Variants in CEP192 observed in about 807,000 individuals in gnomAD.
CEP192 encodes centrosomal protein 192, also known as centrosomal protein of 192 kDa.
Under a neutral mutation model 271.8 loss-of-function variants are expected in CEP192, and 151 were observed. The ratio of observed to expected loss-of-function variants is 0.56; its 90% CI spans 0.49 to 0.64. The LOEUF is 0.64. Ranked by LOEUF, CEP192 falls within the 30% of genes least tolerant of loss-of-function variation. The probability of loss-of-function intolerance (pLI) is 0.00; values close to 1 mark genes in which losing one functional copy is unlikely to be tolerated. For synonymous variants in CEP192, 995 were observed against 1,076.5 expected (o/e 0.92, Z 1.48); for missense variants, 2,910 against 3,020.5 (o/e 0.96, Z 0.86).
In CEP192 at chr18:13,095,655, A is replaced by G. The variant is rs79702541; in HGVS notation, c.6407A>G (p.His2136Arg). The change falls in exon 35 of 45, where the codon CAC becomes CGC. Residue 2136 changes from histidine (H) to arginine (R), a missense_variant. His to Arg is a conservative substitution (Grantham distance 29). Transcript: ENST00000506447. ...GAGCCGTGGACTGTCCTACCCGAGC[A>G]CTTGATTCTGGTAGCTCCTTCTCCT... Reference protein sequence around the residue: ...SEEPWTVLPEHLILVAPSPCD... With the variant: ...SEEPWTVLPERLILVAPSPCD... 1,660 of 1,612,770 alleles carry G rather than the reference A, an allele frequency of 1.0e-3. 19 individuals carry two copies. In the African/African-American group the frequency reaches 0.02, roughly 19 times the overall value.
chr18:12,995,398 A>C (rs2033165571), intron 1 of CEP192, among the ~76,000 whole-genome samples: 2 of 152,172 alleles, frequency 1.3e-5, no homozygotes, highest in African/African-American at 2.4e-5. Context: ...TATGGAAATC[A>C]AGAAGAGAGA....
chr18:13,099,307 A>T (rs1025969710), intron 36 of CEP192, among the ~76,000 whole-genome samples, 169 bp from the exon 37 acceptor site: 1 of 151,940 alleles, frequency 6.6e-6, no homozygotes, highest in Admixed American at 6.6e-5. Context: ...TGGAGGCGGG[A>T]TGAACTTGTG....
At chr18:13,074,286 C>T (rs913621035) in intron 30 of CEP192, among the ~76,000 whole-genome samples, 2 of 152,150 alleles carry the variant, frequency 1.3e-5, no homozygotes, top group African/African-American at 4.8e-5. Flanking sequence ...TGATTGGCCC[C>T]ATGAGATGGG....
chr18:13,002,222 T>G (rs1420763906), intron 3 of CEP192, among the ~76,000 whole-genome samples: 1 of 152,200 alleles, frequency 6.6e-6, no homozygotes, highest in Non-Finnish European at 1.5e-5. Context: ...TGTGCATTTA[T>G]GCCTTTAAAT....
At chr18:13,086,996 G>T in intron 30 of CEP192, 21 bp from the exon 31 acceptor site, 1 of 1,533,286 alleles carries the variant, frequency 6.5e-7, no homozygotes, top group South Asian at 1.2e-5. Context: ...AAATAATTTT[G>T]GATATGTATA....
chr18:13,095,811 C>A, intron 35 of CEP192, 130 bp downstream of exon 35: 1 of 810,896 alleles, frequency 1.2e-6, no homozygotes, highest in Non-Finnish European at 1.9e-6. Context: ...CCAGGCCCTG[C>A]TTCCACTGTT....
chr18:13,038,237 A>G (rs1198021924), intron 12 of CEP192, 133 bp from the exon 13 acceptor site: 2 of 570,080 alleles, frequency 3.5e-6, no homozygotes, highest in South Asian at 2.5e-5. Flanking sequence ...AGTTTGTCCA[A>G]TTTTTTTTTT....
At chr18:13,028,905 T>C (rs2035460472) in intron 9 of CEP192, among the ~76,000 whole-genome samples, 1 of 152,236 alleles carries the variant, frequency 6.6e-6, no homozygotes, top group Non-Finnish European at 1.5e-5. Flanking sequence ...GTCTTTCTTA[T>C]TCGAAAGTTA....
In CEP192 at chr18:13,099,495, G is replaced by T. The variant is rs769357536; in HGVS notation, c.6577G>T (p.Val2193Leu). ...VAPESKLQIL[V>L]SPNSSLSTKQ... ...TTAAAGGAGTAAACTACAAATTCTTGTGAGTCCTAATTCCTCCTTATCCAC... is the reference window on the plus strand; with the variant it reads ...TTAAAGGAGTAAACTACAAATTCTTTTGAGTCCTAATTCCTCCTTATCCAC... The change falls in exon 37 of 45, where the codon GTG becomes TTG. Residue 2193 changes from valine to leucine, a missense_variant. Val to Leu is a conservative substitution (Grantham distance 32). Coordinates refer to ENST00000506447, the MANE Select transcript of CEP192 (RefSeq NM_032142.4). The T allele has an allele frequency of 1.3e-6, 2 of 1,581,156 alleles. No individual in the cohort carries two copies. Among genetic ancestry groups the T allele is most frequent in the East Asian group, 4.5e-5 (2 of 44,626 alleles).
At chr18:13,117,744 A>G in intron 44 of CEP192, 101 bp downstream of exon 44, 1 of 816,882 alleles carries the variant, frequency 1.2e-6, no homozygotes, top group Non-Finnish European at 2.1e-6. Flanking sequence ...GGTCCTCCAT[A>G]TTCCTCACCA....
chr18:13,124,931 A>T lies in CEP192; in HGVS notation c.*161A>T, dbSNP rs2040833780. ...CTAATACTGAAGACTCGACTGAAAT[A>T]TTATGTATCTAGCCCATAGTATTGT... On this transcript the variant is annotated 3_prime_UTR_variant, in exon 45 of 45. Coordinates refer to ENST00000506447, the MANE Select transcript of CEP192 (RefSeq NM_032142.4). 1.7e-6 allele frequency: 1 copy of T among 578,910 alleles called. No individual in the cohort carries two copies. Among genetic ancestry groups the T allele is most frequent in the Non-Finnish European group, 3.0e-6 (1 of 332,240 alleles). 35.9% of individuals were successfully genotyped at this position (578,910 alleles called of 1,614,324 possible). A position where few individuals can be genotyped will look rare whatever the true frequency, so the allele number is the denominator to read the frequency against.
intron 9 of CEP192, among the ~76,000 whole-genome samples, chr18:13,022,882 A>G (rs1289015959): frequency 1.3e-5 from 2 of 152,212 alleles, no homozygotes; most frequent in South Asian, 2.1e-4. Context: ...GTAGTTTTCT[A>G]GCACATAGAT....
At chr18:13,109,325 T>C (rs2040100969) in intron 40 of CEP192, among the ~76,000 whole-genome samples, 4 of 152,160 alleles carry the variant, frequency 2.6e-5, no homozygotes, top group Admixed American at 1.3e-4. Flanking sequence ...TTCTCACTTA[T>C]AAGTTGGAGC....
At chr18:13,009,014 G>GTTTTTTTTTTTT (rs10586819) in intron 4 of CEP192, among the ~76,000 whole-genome samples, 3 of 120,432 alleles carry the variant, frequency 2.5e-5, no homozygotes, top group Non-Finnish European at 5.1e-5. Context: ...TGGCCTTTTT[G>GTTTTTTTTTTTT]TTTTTTTTTT....
At chr18:13,087,940 C>A (rs371726140) in intron 32 of CEP192, among the ~76,000 whole-genome samples, 1 of 152,088 alleles carries the variant, frequency 6.6e-6, no homozygotes, top group Non-Finnish European at 1.5e-5. Context: ...GGACCATTTC[C>A]GTAATGTACT....
rs1484913205 is a variant in CEP192, at chr18:13,063,338, G to GT, written c.4488+4027dup. On this transcript the variant is annotated intron_variant, in intron 21 of 44. Transcript: ENST00000506447. ...ACTAATTCACATTCTCATCAACAGT[G>GT]TACGAGGGTTCCCTTTTCTCCACAT... Among the ~76,000 whole-genome samples, 3 of 152,326 alleles carry GT rather than the reference G, an allele frequency of 2.0e-5. No homozygotes were observed. The East Asian group carries it at 5.8e-4, about 29-fold the overall frequency.
At chr18:13,124,177 T>C (rs2040801428) in intron 44 of CEP192, among the ~76,000 whole-genome samples, 2 of 151,924 alleles carry the variant, frequency 1.3e-5, no homozygotes. Context: ...AAAAGGATCA[T>C]ATGAATTTTA....
rs747670915 is a variant in CEP192 at position 13,056,206 on chromosome 18, A to G, written c.3616A>G (p.Thr1206Ala). The G allele has an allele frequency of 9.3e-6, 15 of 1,614,008 alleles. No homozygotes were observed. The highest frequency in any genetic ancestry group is 1.7e-5 in the Admixed American group (1 of 60,002). The change falls in exon 19 of 45, where the codon ACT (threonine) becomes GCT (alanine). Residue 1206 changes from threonine to alanine, a missense_variant. By Grantham distance (58) the Thr-to-Ala change is moderately conservative. Coordinates refer to ENST00000506447, the MANE Select transcript of CEP192 (RefSeq NM_032142.4). ...DQRISPKDKS[T>A]AGREFSGQVS... The stretch of plus-strand genomic sequence containing the variant: ...AAGAATAAGTCCTAAAGATAAGTCA[A>G]CTGCTGGCCGTGAGTTCAGTGGCCA...
Position 13,008,618 on chromosome 18 carries a change from G to A in CEP192, c.453G>A (p.Leu151=), listed in dbSNP as rs182035983. The A allele has an allele frequency of 3.2e-6, 5 of 1,549,004 alleles. No individual in the cohort carries two copies. The African/African-American group carries it at 6.9e-5, about 21-fold the overall frequency. Residue 151 remains leucine, a synonymous_variant, in exon 4 of 45, where the codon CTG becomes CTA. Coordinates refer to ENST00000506447, the MANE Select transcript of CEP192 (RefSeq NM_032142.4). ...GQDLFNRASP[L]EQAQDSPIDF... The stretch of plus-strand genomic sequence containing the variant: ...ATCTCTTCAACAGGGCTTCACCACT[G>A]GAACAAGCACAAGGTACTGAACTAT...
Sources: allele counts gnomAD v4.1 joint callset (sites outside exome capture counted in the v4.1 genomes callset), GRCh38; gene constraint gnomAD v4.1.1; transcripts MANE v1.5; gene names NCBI Gene and HGNC (gene_info 2026-07-23, HGNC 2026-07-21).